Variants in PLD5 observed in about 807,000 individuals in gnomAD.
The protein encoded by PLD5 is phospholipase D family member 5, also known as inactive phospholipase D5.
Under a neutral mutation model 61.1 loss-of-function variants are expected in PLD5, and 36 were observed. The observed-to-expected ratio is 0.59, with a 90% confidence interval of 0.45 to 0.78. PLD5 has a LOEUF of 0.78. Ranked by LOEUF, PLD5 falls within the 30% of genes least tolerant of loss-of-function variation. The pLI, the probability that PLD5 is intolerant of heterozygous loss-of-function variation, is 0.00. For missense variants in PLD5, 515 were observed against 644.4 expected, an observed-to-expected ratio of 0.80 and a Z score of 2.17; for synonymous variants, 243 against 242.8, an observed-to-expected ratio of 1.00 and a Z score of -0.01.
chr1:242,173,260 A>G (rs1407712136), intron 5 of PLD5, among the ~76,000 whole-genome samples: 1 of 152,120 alleles, frequency 6.6e-6, no homozygotes, highest in Non-Finnish European at 1.5e-5. Flanking sequence ...TATACCAATA[A>G]CAGACAGAGA....
intron 4 of PLD5, among the ~76,000 whole-genome samples, chr1:242,221,494 G>A (rs1670587057): frequency 6.6e-6 from 1 of 152,172 alleles, no homozygotes; most frequent in Non-Finnish European, 1.5e-5. Flanking sequence ...TGAACTTAAT[G>A]CTTAACTCTT....
intron 2 of PLD5, among the ~76,000 whole-genome samples, chr1:242,327,211 T>C (rs1658854719): frequency 6.6e-6 from 1 of 152,080 alleles, no homozygotes; most frequent in Non-Finnish European, 1.5e-5. Context: ...CTCACTATGT[T>C]GCCCAGGCTG....
At chr1:242,109,966 G>T (rs1226878443) in intron 7 of PLD5, among the ~76,000 whole-genome samples, 1 of 151,092 alleles carries the variant, frequency 6.6e-6, no homozygotes, top group African/African-American at 2.4e-5. Flanking sequence ...GAGACTATTA[G>T]AACACAGAGG....
At chr1:242,356,533 T>C (rs189345887) in intron 1 of PLD5, among the ~76,000 whole-genome samples, 6 of 152,268 alleles carry the variant, frequency 3.9e-5, no homozygotes, top group African/African-American at 1.4e-4. Flanking sequence ...TGTCTTTTGA[T>C]TAGAGAATTT....
In PLD5 at chr1:242,276,071, C is replaced by T. The variant is rs953690084; in HGVS notation, c.496-10623G>A. ...AACTGGAAAGAGCTGGGTGTGCTGGCTCATGCCTGTAATCACAACCACTTG... is the reference window on the plus strand; with the variant it reads ...AACTGGAAAGAGCTGGGTGTGCTGGTTCATGCCTGTAATCACAACCACTTG... On this transcript the variant is annotated intron_variant, in intron 3 of 9. Coordinates refer to ENST00000536534, the MANE Select transcript of PLD5 (RefSeq NM_001372062.1). 5.9e-5 allele frequency among the ~76,000 whole-genome samples: 9 copies of T among 152,216 alleles called. No homozygotes were observed. In the East Asian group the frequency reaches 1.6e-3, roughly 26 times the overall value.
At chr1:242,491,786 C>T (rs79783470) in intron 1 of PLD5, among the ~76,000 whole-genome samples, 2,058 of 152,268 alleles carry the variant, frequency 0.014, 53 homozygotes, top group African/African-American at 0.047. Context: ...TCCTTAGATG[C>T]TCTAATACTT....
chr1:242,211,126 C>T (rs1284622952), intron 5 of PLD5, among the ~76,000 whole-genome samples: 1 of 152,138 alleles, frequency 6.6e-6, no homozygotes, highest in African/African-American at 2.4e-5. Context: ...ATACACTAAA[C>T]AACAGATTTT....
intron 1 of PLD5, among the ~76,000 whole-genome samples, chr1:242,384,017 T>C (rs1418038719): frequency 6.6e-6 from 1 of 152,214 alleles, no homozygotes; most frequent in Non-Finnish European, 1.5e-5. Context: ...AGGAATCCGC[T>C]GCAAAATCCC....
chr1:242,397,430 C>T (rs1294700318), intron 1 of PLD5, among the ~76,000 whole-genome samples: 1 of 151,122 alleles, frequency 6.6e-6, no homozygotes, highest in Admixed American at 6.6e-5. Context: ...TTTTTATTAT[C>T]TCCACTGCTA....
intron 5 of PLD5, among the ~76,000 whole-genome samples, chr1:242,138,118 A>C (rs990335082): frequency 1.6e-4 from 25 of 152,214 alleles, no homozygotes; most frequent in African/African-American, 6.0e-4. Context: ...TTTTATAAAA[A>C]GGTGACGACT....
chr1:242,165,111 CT>C (rs1666207101), intron 5 of PLD5, among the ~76,000 whole-genome samples: 1 of 152,018 alleles, frequency 6.6e-6, no homozygotes, highest in Non-Finnish European at 1.5e-5. Context: ...CCCCTTTTCA[CT>C]TACATTCCTT....
At chr1:242,282,347 C>T (rs971320731) in intron 3 of PLD5, among the ~76,000 whole-genome samples, 27 of 152,176 alleles carry the variant, frequency 1.8e-4, no homozygotes, top group African/African-American at 6.0e-4. Context: ...ACAAAAACCT[C>T]AGCTCCACTC....
intron 5 of PLD5, among the ~76,000 whole-genome samples, chr1:242,218,105 C>A (rs1361752436): frequency 6.6e-6 from 1 of 152,148 alleles, no homozygotes; most frequent in Non-Finnish European, 1.5e-5. Context: ...TGGCCAACTC[C>A]ATTGCTGTCT....
chr1:242,152,242 G>A (rs1272359491), intron 5 of PLD5, among the ~76,000 whole-genome samples: 4 of 151,918 alleles, frequency 2.6e-5, no homozygotes, highest in African/African-American at 7.3e-5. Flanking sequence ...CAGCAGTAGT[G>A]GGTTCAGTTC....
intron 5 of PLD5, among the ~76,000 whole-genome samples, chr1:242,171,816 T>G (rs1053181981): frequency 1.3e-5 from 2 of 151,724 alleles, no homozygotes; most frequent in Admixed American, 1.3e-4. Flanking sequence ...TACATAGTGG[T>G]AAAGGGATCA....
chr1:242,424,509 T>C (rs571242663), intron 1 of PLD5, among the ~76,000 whole-genome samples: 1 of 152,156 alleles, frequency 6.6e-6, no homozygotes, highest in East Asian at 1.9e-4. Flanking sequence ...CCTTCTCCTT[T>C]TCCCAAACTT....
intron 1 of PLD5, among the ~76,000 whole-genome samples, chr1:242,404,197 G>A (rs974365199): frequency 6.6e-6 from 1 of 152,200 alleles, no homozygotes; most frequent in African/African-American, 2.4e-5. Context: ...CGAAGTAGCA[G>A]ATGCTATGAA....
At chr1:242,483,269 G>A (rs1384471205) in intron 1 of PLD5, among the ~76,000 whole-genome samples, 1 of 152,094 alleles carries the variant, frequency 6.6e-6, no homozygotes, top group Non-Finnish European at 1.5e-5. Context: ...CTGGCAAATT[G>A]GATAAAGAGT....
At chr1:242,465,947 G>A (rs756872006) in intron 1 of PLD5, among the ~76,000 whole-genome samples, 7 of 151,974 alleles carry the variant, frequency 4.6e-5, no homozygotes, top group Non-Finnish European at 8.8e-5. Context: ...AAAGAAAACA[G>A]AAATGCCAGG....
Sources: allele counts gnomAD v4.1 joint callset (sites outside exome capture counted in the v4.1 genomes callset), GRCh38; gene constraint gnomAD v4.1.1; transcripts MANE v1.5; gene names NCBI Gene and HGNC (gene_info 2026-07-23, HGNC 2026-07-21).